Variants in AGBL1 observed in about 807,000 individuals in gnomAD.
AGBL1 encodes the protein AGBL carboxypeptidase 1.
In AGBL1, 130 loss-of-function variants were observed where a neutral mutation model predicts 118.9. The observed-to-expected ratio is 1.09, with a 90% confidence interval of 0.95 to 1.26. AGBL1 has a LOEUF of 1.26. Among genes scored for constraint, AGBL1 ranks in the 50% most tolerant of loss-of-function variants. The pLI, the probability that AGBL1 is intolerant of heterozygous loss-of-function variation, is 0.00. For missense variants in AGBL1, 1,584 were observed against 1,298.1 expected, an observed-to-expected ratio of 1.22 and a Z score of -3.38; for synonymous variants, 555 against 478.9, an observed-to-expected ratio of 1.16 and a Z score of -2.08.
rs774676310 is a variant in AGBL1 at position 86,522,929 on chromosome 15, G to A, written c.2675G>A (p.Arg892Gln). The A allele has an allele frequency of 1.6e-5, 26 of 1,613,822 alleles. No homozygotes were observed. Among genetic ancestry groups the A allele is most frequent in the South Asian group, 4.4e-5 (4 of 91,076 alleles). ...GLLYHLSSIGRSPVVFCDFHG... is the reference protein window; with the variant it reads ...GLLYHLSSIGQSPVVFCDFHG... ...CTCTACCACCTGAGCAGCATTGGCC[G>A]AAGTCCCGTGGTGAGTCACTTCCTT... Residue 892 changes from arginine to glutamine, a missense_variant, in exon 19 of 23, where the codon CGA becomes CAA. Arg to Gln is a conservative substitution (Grantham distance 43). Transcript: ENST00000614907.
Position 86,269,927 on chromosome 15 carries a change from A to G in AGBL1, c.1847A>G (p.Tyr616Cys), listed in dbSNP as rs2079131664. 6.2e-7 allele frequency: 1 copy of G among 1,613,798 alleles called. No homozygotes were observed. The highest frequency in any genetic ancestry group is 8.5e-7 in the Non-Finnish European group (1 of 1,179,762). ...RKAIQVREFE[Y>C]DLLVNADVNS... ...TTGCTTCTGATCTGCAGGTTCGAGT[A>G]TGACTTGCTGGTCAACGCAGATGTG... Residue 616 changes from tyrosine to cysteine, a missense_variant, in exon 14 of 23, where the codon TAT becomes TGT. Transcript: ENST00000614907.
intron 18 of AGBL1, among the ~76,000 whole-genome samples, chr15:86,500,781 T>C (rs146570585): frequency 6.6e-6 from 1 of 151,922 alleles, no homozygotes; most frequent in East Asian, 1.9e-4. Context: ...CTTCTTTCAC[T>C]CAGCACAAGG....
At chr15:86,409,917 G>A (rs7173908) in intron 18 of AGBL1, among the ~76,000 whole-genome samples, 7 of 152,076 alleles carry the variant, frequency 4.6e-5, no homozygotes, top group Non-Finnish European at 7.4e-5. Flanking sequence ...GGGATGCAGG[G>A]ATAGAGGGAG....
intron 22 of AGBL1, among the ~76,000 whole-genome samples, chr15:86,681,329 G>T (rs2085952061): frequency 6.6e-6 from 1 of 152,074 alleles, no homozygotes; most frequent in African/African-American, 2.4e-5. Context: ...TCTTTCATGA[G>T]TTTCCTTTTA....
intron 6 of AGBL1, among the ~76,000 whole-genome samples, chr15:86,246,278 G>A (rs950646131): frequency 2.6e-5 from 4 of 152,190 alleles, no homozygotes; most frequent in Non-Finnish European, 5.9e-5. Flanking sequence ...TGTGGAGGAG[G>A]CAGCACAGCA....
At chr15:86,925,133 AG>A (rs2080519086) in intron 23 of AGBL1, among the ~76,000 whole-genome samples, 1 of 23,516 alleles carries the variant, frequency 4.3e-5, no homozygotes, top group Non-Finnish European at 1.3e-4. Flanking sequence ...GAAGAGGAAG[AG>A]GAAGAGGAAG....
At chr15:86,130,677 T>C (rs1188388488) in intron 1 of AGBL1, among the ~76,000 whole-genome samples, 2 of 152,252 alleles carry the variant, frequency 1.3e-5, no homozygotes, top group African/African-American at 4.8e-5. Flanking sequence ...TTTTTCACTG[T>C]CATGCATTCC....
At chr15:86,954,834 T>C (rs2080914433) in intron 23 of AGBL1, among the ~76,000 whole-genome samples, 1 of 152,220 alleles carries the variant, frequency 6.6e-6, no homozygotes, top group South Asian at 2.1e-4. Context: ...CCATCTGTTA[T>C]TCTGCTTCTC....
intron 16 of AGBL1, among the ~76,000 whole-genome samples, chr15:86,281,054 T>C (rs2079344232): frequency 6.6e-6 from 1 of 152,154 alleles, no homozygotes; most frequent in East Asian, 1.9e-4. Context: ...TCAACAGCTG[T>C]TTTTATGGTC....
chr15:86,760,321 C>T lies in AGBL1; in HGVS notation c.3158+85885C>T, dbSNP rs184841988. On this transcript the variant is annotated intron_variant, in intron 22 of 22. Transcript: ENST00000614907. The stretch of plus-strand genomic sequence containing the variant: ...AATCAGCCTTGGGGAGAATTAGGTG[C>T]TGAGAGATGGAGGAATGATGTTTAA... Among the ~76,000 whole-genome samples, 12 of 152,108 alleles carry T rather than the reference C, an allele frequency of 7.9e-5. No individual in the cohort carries two copies. In the East Asian group the frequency reaches 2.3e-3, roughly 30 times the overall value.
chr15:86,796,514 A>G (rs1295245992), intron 22 of AGBL1, among the ~76,000 whole-genome samples: 1 of 152,230 alleles, frequency 6.6e-6, no homozygotes, highest in Non-Finnish European at 1.5e-5. Flanking sequence ...CACCCAGGAC[A>G]TGACAAGAAT....
At chr15:86,310,691 G>A (rs988645035) in intron 17 of AGBL1, among the ~76,000 whole-genome samples, 5 of 152,100 alleles carry the variant, frequency 3.3e-5, no homozygotes, top group East Asian at 1.9e-4. Flanking sequence ...GGTCCACTGA[G>A]GCATGGAGCC....
At chr15:86,161,483 C>G (rs989231880) in intron 5 of AGBL1, among the ~76,000 whole-genome samples, 8 of 152,352 alleles carry the variant, frequency 5.3e-5, no homozygotes, top group Admixed American at 3.3e-4. Flanking sequence ...TAAACCCTGT[C>G]TGATACATGA....
chr15:86,697,833 T>C lies in AGBL1; in HGVS notation c.3158+23397T>C, dbSNP rs2086288569. ...CTAGAGATGTGGCTTCCTGAGAGCT[T>C]AACTGTAGTAATTGTTATTTCTCTT... On this transcript the variant is annotated intron_variant, in intron 22 of 22. Transcript: ENST00000614907. 2.0e-5 allele frequency among the ~76,000 whole-genome samples: 3 copies of C among 152,032 alleles called. No individual in the cohort carries two copies. In the South Asian group the frequency reaches 6.2e-4, roughly 32 times the overall value.
Position 86,441,489 on chromosome 15 carries a change from T to G in AGBL1, c.2555+43943T>G, listed in dbSNP as rs76387652. On this transcript the variant is annotated intron_variant, in intron 18 of 22. Transcript: ENST00000614907. ...ACTCATTCTGTTTAATAAATGACTT[T>G]GAGAACCATCGAAGACGGTGTGAGA... is the stretch of plus-strand genomic sequence containing the variant. Among the ~76,000 whole-genome samples, 223 of 152,288 alleles carry G rather than the reference T, an allele frequency of 1.5e-3. 4 individuals are homozygous for G. The East Asian group carries it at 0.037, about 25-fold the overall frequency.
At chr15:86,540,043 A>T (rs1467025807) in intron 19 of AGBL1, among the ~76,000 whole-genome samples, 1 of 152,196 alleles carries the variant, frequency 6.6e-6, no homozygotes, top group Non-Finnish European at 1.5e-5. Context: ...AACAATACAA[A>T]CTTGGGCAAG....
chr15:86,324,780 A>G (rs910995446), intron 17 of AGBL1, among the ~76,000 whole-genome samples: 8 of 152,210 alleles, frequency 5.3e-5, no homozygotes, highest in African/African-American at 1.7e-4. Flanking sequence ...TTGAAAAGAC[A>G]TTTAAGCCAA....
At chr15:86,715,565 A>C (rs72763983) in intron 22 of AGBL1, among the ~76,000 whole-genome samples, 284 of 152,282 alleles carry the variant, frequency 1.9e-3, no homozygotes, top group Non-Finnish European at 3.2e-3. Context: ...GGAATTGATA[A>C]TTTGGAATGA....
intron 21 of AGBL1, among the ~76,000 whole-genome samples, chr15:86,627,149 C>T (rs757320130): frequency 4.6e-5 from 7 of 152,066 alleles, no homozygotes; most frequent in African/African-American, 7.2e-5. Flanking sequence ...TACAGGCATG[C>T]GCCACCACCC....
Sources: allele counts gnomAD v4.1 joint callset (sites outside exome capture counted in the v4.1 genomes callset), GRCh38; gene constraint gnomAD v4.1.1; transcripts MANE v1.5; gene names NCBI Gene and HGNC (gene_info 2026-07-23, HGNC 2026-07-21).